HPS1: variants seen among roughly 807,000 people sequenced by gnomAD.
The protein encoded by HPS1 is BLOC-3 complex member HPS1.
Under a neutral mutation model 90.6 loss-of-function variants are expected in HPS1, and 59 were observed. The observed-to-expected ratio is 0.65, with a 90% CI of 0.53 to 0.81. HPS1 has a LOEUF of 0.81. Among genes scored for constraint, HPS1 ranks in the 30% least tolerant of loss-of-function variants. HPS1 has a pLI of 0.00. For missense variants in HPS1, 849 were observed against 896.7 expected, an observed-to-expected ratio of 0.95 and a Z score of 0.68; for synonymous variants, 388 against 384.4, an observed-to-expected ratio of 1.01 and a Z score of -0.11.
At chr10:98,443,972 G>C (rs185058155) in intron 2 of HPS1, among the ~76,000 whole-genome samples, 5 of 152,190 alleles carry the variant, frequency 3.3e-5, no homozygotes, top group African/African-American at 1.2e-4. Flanking sequence ...GGGAGGCAGA[G>C]GTTGCAGTGA....
At chr10:98,436,216 T>C (rs7100143) in intron 3 of HPS1, among the ~76,000 whole-genome samples, 19,524 of 151,976 alleles carry the variant, frequency 0.13, 1,517 homozygotes, top group South Asian at 0.22. Context: ...TAATTTATAA[T>C]AGCAAACAAC....
intron 3 of HPS1, 65 bp downstream of exon 3, chr10:98,443,059 C>T: frequency 3.5e-6 from 4 of 1,158,588 alleles, no homozygotes; most frequent in Non-Finnish European, 5.2e-6. Flanking sequence ...GCCTCTCTGC[C>T]TGCTGGGAGT....
intron 11 of HPS1, among the ~76,000 whole-genome samples, chr10:98,426,564 A>G (rs962318265): frequency 2.6e-5 from 4 of 152,236 alleles, no homozygotes; most frequent in Non-Finnish European, 4.4e-5. Context: ...AACACTGGAC[A>G]CATGACGCGA....
In HPS1 at chr10:98,422,519, G is replaced by A. The variant is rs776873910; in HGVS notation, c.1599-6C>T. The A allele has an allele frequency of 1.2e-6, 2 of 1,613,890 alleles. No homozygotes were observed. Among genetic ancestry groups the A allele is most frequent in the Non-Finnish European group, 1.7e-6 (2 of 1,179,950 alleles). On this transcript the variant is annotated splice_region_variant and splice_polypyrimidine_tract_variant and intron_variant, in intron 16 of 19. Coordinates refer to ENST00000361490, the MANE Select transcript of HPS1 (RefSeq NM_000195.5). ...CTGGGAAGTCTTCTAGGTAGGTGAA[G>A]GTCTGAGTTAAGGTGCTTACAAGCC...
chr10:98,443,003 G>A (rs1431285343), intron 3 of HPS1, 121 bp downstream of exon 3: 44 of 808,354 alleles, frequency 5.4e-5, no homozygotes, highest in Non-Finnish European at 4.0e-5. Context: ...ACCCCACCCA[G>A]CACCCTGCTC....
chr10:98,424,409 A>G, intron 13 of HPS1, 35 bp from the exon 14 acceptor site: 1 of 1,590,982 alleles, frequency 6.3e-7, no homozygotes, highest in East Asian at 2.2e-5. Flanking sequence ...TTGCATCCCG[A>G]CCATATTTCC....
intron 10 of HPS1, 142 bp from the exon 11 acceptor site, chr10:98,427,406 T>C (rs1339177288): frequency 1.4e-6 from 1 of 692,938 alleles, no homozygotes; most frequent in East Asian, 2.7e-5. Flanking sequence ...CTAATGTGGC[T>C]GGGGCAACAC....
intron 16 of HPS1, among the ~76,000 whole-genome samples, chr10:98,423,114 C>T (rs924063469): frequency 2.0e-5 from 3 of 152,082 alleles, no homozygotes; most frequent in African/African-American, 7.2e-5. Flanking sequence ...AATCAGTATT[C>T]GATAAAATTA....
intron 19 of HPS1, 51 bp downstream of exon 19, chr10:98,418,124 T>TA: frequency 8.0e-7 from 1 of 1,255,622 alleles, no homozygotes; most frequent in South Asian, 1.3e-5. Context: ...GGCGAGCACT[T>TA]ATCACCCAAA....
chr10:98,429,358 G>A (rs1343927965), intron 10 of HPS1: 1 of 1,492,396 alleles, frequency 6.7e-7, no homozygotes, highest in East Asian at 2.5e-5. Context: ...ACAGCTTTAG[G>A]GATCAGTGGA....
In HPS1 at chr10:98,443,214, C is replaced by T. The variant is rs7914192; in HGVS notation, c.27G>A (p.Glu9=). 1 of 1,614,076 alleles carries T rather than the reference C, an allele frequency of 6.2e-7. No homozygotes were observed. Among genetic ancestry groups the T allele is most frequent in the South Asian group, 1.1e-5 (1 of 91,070 alleles). The change falls in exon 3 of 20, where the codon GAG becomes GAA. Residue 9 remains glutamate (E), a synonymous_variant. Coordinates refer to ENST00000361490, the MANE Select transcript of HPS1 (RefSeq NM_000195.5). ...TCCAGTAGAAGAGGACCTCTGCGCC[C>T]TCAGTGGCCACCAAGACGCACTTCA... The part of the protein sequence containing the change: MKCVLVAT[E]GAEVLFYWTD...
At chr10:98,426,745 A>T (rs959229596) in intron 11 of HPS1, among the ~76,000 whole-genome samples, 6 of 147,918 alleles carry the variant, frequency 4.1e-5, no homozygotes, top group Middle Eastern at 3.5e-3. Flanking sequence ...GTACATATGT[A>T]GTGTGTGTGT....
chr10:98,431,122 T>C lies in HPS1; in HGVS notation c.668+9A>G, dbSNP rs1222952351. On this transcript the variant is annotated intron_variant, in intron 7 of 19. Coordinates refer to ENST00000361490, the MANE Select transcript of HPS1 (RefSeq NM_000195.5). ...CCTTTAGCCACCACATGCCAGACCT[T>C]GAGCTCACCTAGAGTAGAATGCCAG... 3 of 1,613,684 alleles carry C rather than the reference T, an allele frequency of 1.9e-6. No homozygotes were observed. The highest frequency in any genetic ancestry group is 2.5e-6 in the Non-Finnish European group (3 of 1,179,678).
At chr10:98,446,519 C>T (rs546661762) in intron 1 of HPS1, among the ~76,000 whole-genome samples, 1 of 152,346 alleles carries the variant, frequency 6.6e-6, no homozygotes, top group East Asian at 1.9e-4. Context: ...ACCTTCGGAG[C>T]CCGGCCCTGC....
At chr10:98,415,062 G>T, downstream of HPS1, 2 of 1,613,986 alleles carry the variant, frequency 1.2e-6, no homozygotes, top group Non-Finnish European at 1.7e-6. Flanking sequence ...CCTGGCTTCC[G>T]TGTTATCTCG....
rs749836801 is a variant in HPS1 at position 98,429,564 on chromosome 10, G to A, written c.937+9C>T. 6.8e-6 allele frequency: 11 copies of A among 1,614,050 alleles called. No individual in the cohort carries two copies. The highest frequency in any genetic ancestry group is 2.7e-5 in the African/African-American group (2 of 74,922). ...CTATTGTTTCCTCCTGCTTTCCTCC[G>A]GTCCTCACCTGAGCTCTGATCGCCA... is the stretch of plus-strand genomic sequence containing the variant. On this transcript the variant is annotated intron_variant, in intron 10 of 19. Transcript: ENST00000361490.
At position 98,431,158 on chromosome 10, in the gene HPS1, T is replaced by C. The variant is rs937409753; in HGVS notation, c.641A>G (p.His214Arg). ...AGAGTAGAATGCCAGCAGCTTGGAGTGCACGAGCAGGAAGGCATGCAGGGC... is the reference window on the plus strand; with the variant it reads ...AGAGTAGAATGCCAGCAGCTTGGAGCGCACGAGCAGGAAGGCATGCAGGGC... ...EEALHAFLLV[H>R]SKLLAFYSSH... Residue 214 changes from histidine (H) to arginine (R), a missense_variant, in exon 7 of 20, where the codon CAC becomes CGC. Coordinates refer to ENST00000361490, the MANE Select transcript of HPS1 (RefSeq NM_000195.5). The C allele has an allele frequency of 1.2e-5, 20 of 1,613,994 alleles. No homozygotes were observed. Among genetic ancestry groups the C allele is most frequent in the Middle Eastern group, 1.6e-4 (1 of 6,062 alleles).
chr10:98,426,063 A>T (rs1845566914), intron 11 of HPS1, 78 bp from the exon 12 acceptor site: 1 of 1,266,082 alleles, frequency 7.9e-7, no homozygotes. Flanking sequence ...TCTGTGAACC[A>T]CAAGAAATAA....
rs1022720177 is a variant in HPS1, at chr10:98,429,134, A to C, written c.937+439T>G. The C allele has an allele frequency of 5.0e-6, 5 of 1,005,674 alleles. No individual in the cohort carries two copies. The African/African-American group carries it at 8.7e-5, about 17-fold the overall frequency. 62.3% of individuals were successfully genotyped at this position (1,005,674 alleles called of 1,614,324 possible). On this transcript the variant is annotated intron_variant, in intron 10 of 19. Coordinates refer to ENST00000361490, the MANE Select transcript of HPS1 (RefSeq NM_000195.5). ...TGGGATTACAGGCGTGAGCCACCAC[A>C]CCTCAACCATTTTGAATATTTATAG...
Sources: allele counts gnomAD v4.1 joint callset (sites outside exome capture counted in the v4.1 genomes callset), GRCh38; gene constraint gnomAD v4.1.1; transcripts MANE v1.5; gene names NCBI Gene and HGNC (gene_info 2026-07-23, HGNC 2026-07-21).